Variants in FHIT observed in about 807,000 individuals in gnomAD.
FHIT encodes fragile histidine triad diadenosine triphosphatase, also known as bis(5'-adenosyl)-triphosphatase.
Under a neutral mutation model 17.9 loss-of-function variants are expected in FHIT, and 19 were observed. The ratio of observed to expected loss-of-function variants is 1.06; its 90% CI spans 0.74 to 1.56. The LOEUF (loss-of-function observed/expected upper bound fraction) is 1.56. Ranked by LOEUF, FHIT falls within the 40% of genes most tolerant of loss-of-function variation. FHIT has a pLI of 0.00. For synonymous variants in FHIT, 81 were observed against 69.7 expected (o/e 1.16, Z -0.81); for missense variants, 248 against 189.2 (o/e 1.31, Z -1.82).
intron 4 of FHIT, among the ~76,000 whole-genome samples, chr3:60,698,906 G>T (rs556808215): frequency 6.6e-6 from 1 of 152,240 alleles, no homozygotes; most frequent in Admixed American, 6.5e-5. Flanking sequence ...ATCACCCAGA[G>T]AAACTGACTT....
At chr3:59,775,675 A>G (rs1385877720) in intron 8 of FHIT, among the ~76,000 whole-genome samples, 1 of 152,188 alleles carries the variant, frequency 6.6e-6, no homozygotes, top group Non-Finnish European at 1.5e-5. Flanking sequence ...GGGTGTTTGA[A>G]ATTAGCAGGA....
rs569430458 is a variant in FHIT, at chr3:61,079,331, A to G, written c.-163-37232T>C. ...ACCCATAAAGCCAAACTACACAATCATCTTCACTTTGAGGACACTATAGTG... is the reference window on the plus strand; with the variant it reads ...ACCCATAAAGCCAAACTACACAATCGTCTTCACTTTGAGGACACTATAGTG... On this transcript the variant is annotated intron_variant, in intron 2 of 9. Coordinates refer to ENST00000492590, the MANE Select transcript of FHIT (RefSeq NM_002012.4). Among the ~76,000 whole-genome samples, 72 of 152,144 alleles carry G rather than the reference A, an allele frequency of 4.7e-4. 1 individual carries two copies. Among genetic ancestry groups the G allele is most frequent in the Non-Finnish European group, 4.1e-4 (28 of 68,006 alleles).
intron 7 of FHIT, among the ~76,000 whole-genome samples, chr3:59,996,385 C>G (rs1054028715): frequency 2.0e-5 from 3 of 152,014 alleles, no homozygotes; most frequent in Non-Finnish European, 4.4e-5. Context: ...TCTTCCCTGA[C>G]TATTTAGTTG....
chr3:60,174,034 C>A (rs1451346107), intron 5 of FHIT, among the ~76,000 whole-genome samples: 5 of 149,558 alleles, frequency 3.3e-5, no homozygotes, highest in Non-Finnish European at 5.9e-5. Context: ...CTGCTTCAGC[C>A]TCCCGAGTAG....
intron 4 of FHIT, among the ~76,000 whole-genome samples, chr3:60,606,730 G>C (rs1396189210): frequency 2.6e-5 from 4 of 152,104 alleles, no homozygotes; most frequent in Non-Finnish European, 5.9e-5. Flanking sequence ...TTCTCTTCCA[G>C]GGCTCTGAAT....
At chr3:61,154,495 C>G (rs538987077) in intron 2 of FHIT, among the ~76,000 whole-genome samples, 2 of 152,144 alleles carry the variant, frequency 1.3e-5, no homozygotes, top group South Asian at 4.2e-4. Context: ...TTCCTTCTGC[C>G]TGCAGTAGCC....
In FHIT at chr3:60,544,976, G is replaced by A. The variant is rs564844890; in HGVS notation, c.-17-7997C>T. ...TTGTTCCAAAGAGAGTTTATTAAAC[G>A]AGCATTTTCTGTTTCATGAGCGTTA... is the stretch of plus-strand genomic sequence containing the variant. On this transcript the variant is annotated intron_variant, in intron 4 of 9. Coordinates refer to ENST00000492590, the MANE Select transcript of FHIT (RefSeq NM_002012.4). Among the ~76,000 whole-genome samples, 7 of 152,174 alleles carry A rather than the reference G, an allele frequency of 4.6e-5. No homozygotes were observed. In the South Asian group the frequency reaches 1.0e-3, roughly 23 times the overall value.
Position 60,250,059 on chromosome 3 carries a change from C to T in FHIT, c.104-235907G>A, listed in dbSNP as rs183662785. On this transcript the variant is annotated intron_variant, in intron 5 of 9. Transcript: ENST00000492590. The stretch of plus-strand genomic sequence containing the variant: ...TGCTCTTGACACATGGAGATTATTG[C>T]TATTCAAGGTGAGATCTGGGTAGGG... Among the ~76,000 whole-genome samples the T allele has an allele frequency of 5.9e-4, 90 of 151,962 alleles. 1 individual carries two copies. The highest frequency in any genetic ancestry group is 3.4e-3 in the Middle Eastern group (1 of 294).
chr3:59,850,936 A>G (rs1701907984), intron 8 of FHIT, among the ~76,000 whole-genome samples: 1 of 152,226 alleles, frequency 6.6e-6, no homozygotes, highest in Non-Finnish European at 1.5e-5. Flanking sequence ...CCTTCGAGGG[A>G]ATAACCTGGA....
At chr3:60,225,213 C>G (rs1222736657) in intron 5 of FHIT, among the ~76,000 whole-genome samples, 3 of 152,186 alleles carry the variant, frequency 2.0e-5, no homozygotes, top group Non-Finnish European at 4.4e-5. Context: ...GCCTGAGTCT[C>G]CACTCATCTT....
chr3:61,242,825 G>A (rs2040404507), intron 1 of FHIT, among the ~76,000 whole-genome samples: 1 of 152,140 alleles, frequency 6.6e-6, no homozygotes, highest in South Asian at 2.1e-4. Context: ...AAGACCAAAT[G>A]AGCCAGTTTA....
intron 7 of FHIT, among the ~76,000 whole-genome samples, chr3:59,956,448 T>A (rs1384634356): frequency 6.6e-6 from 1 of 152,134 alleles, no homozygotes; most frequent in Non-Finnish European, 1.5e-5. Flanking sequence ...GGCGGGCAGA[T>A]CTTGAGGTCA....
intron 8 of FHIT, among the ~76,000 whole-genome samples, chr3:59,909,325 C>T (rs923252972): frequency 1.3e-5 from 2 of 151,428 alleles, no homozygotes; most frequent in Non-Finnish European, 2.9e-5. Context: ...AGCCACTGCG[C>T]CCGGCCCTAC....
intron 3 of FHIT, among the ~76,000 whole-genome samples, chr3:60,960,744 C>T (rs545177657): frequency 1.5e-4 from 23 of 152,286 alleles, no homozygotes; most frequent in African/African-American, 4.8e-4. Context: ...CATCCATGTC[C>T]CTACAAAGGA....
At position 60,925,275 on chromosome 3, in the gene FHIT, A is replaced by C. The variant is rs1707527432; in HGVS notation, c.-110-103264T>G. Among the ~76,000 whole-genome samples, 6 of 152,230 alleles carry C rather than the reference A, an allele frequency of 3.9e-5. No homozygotes were observed. In the South Asian group the frequency reaches 1.2e-3, roughly 31 times the overall value. ...ATAATTGTCAGATTCAACAAAGTTGAAATGAAGGAAAAAATGTTAATGGCA... is the reference window on the plus strand; with the variant it reads ...ATAATTGTCAGATTCAACAAAGTTGCAATGAAGGAAAAAATGTTAATGGCA... On this transcript the variant is annotated intron_variant, in intron 3 of 9. Coordinates refer to ENST00000492590, the MANE Select transcript of FHIT (RefSeq NM_002012.4).
intron 8 of FHIT, among the ~76,000 whole-genome samples, chr3:59,836,526 T>A (rs180826881): frequency 8.3e-4 from 126 of 152,252 alleles, no homozygotes; most frequent in African/African-American, 2.7e-3. Context: ...GCACATGCCA[T>A]ATGAGCTTGG....
rs146255487 is a variant in FHIT at position 60,615,004 on chromosome 3, A to G, written c.-17-78025T>C. Among the ~76,000 whole-genome samples, 210 of 151,710 alleles carry G rather than the reference A, an allele frequency of 1.4e-3. 1 individual carries two copies. Among genetic ancestry groups the G allele is most frequent in the African/African-American group, 4.5e-3 (187 of 41,374 alleles). Reference sequence around the variant, plus strand: ...ACAACCACGCCCGGCTAATTTTTGTACTATTAGTAGAGACAGGGTTTCACC... The same window carrying G: ...ACAACCACGCCCGGCTAATTTTTGTGCTATTAGTAGAGACAGGGTTTCACC... On this transcript the variant is annotated intron_variant, in intron 4 of 9. Transcript: ENST00000492590.
At chr3:60,822,355 A>AT (rs1553739627) in intron 3 of FHIT, among the ~76,000 whole-genome samples, 1 of 152,086 alleles carries the variant, frequency 6.6e-6, no homozygotes, top group East Asian at 1.9e-4. Context: ...GGGGCTTTCC[A>AT]TTTTGCAAAA....
At chr3:60,272,357 G>A (rs1475853118) in intron 5 of FHIT, among the ~76,000 whole-genome samples, 1 of 152,168 alleles carries the variant, frequency 6.6e-6, no homozygotes, top group Non-Finnish European at 1.5e-5. Flanking sequence ...GGGACACATA[G>A]GCTGGGCCTT....
Sources: gnomAD v4.1 joint callset for allele counts (sites outside exome capture counted in the v4.1 genomes callset) on GRCh38, gnomAD v4.1.1 for gene constraint, MANE v1.5 for transcripts, NCBI Gene and HGNC (gene_info 2026-07-23, HGNC 2026-07-21) for gene names.